Variants in KDM4C observed in about 807,000 individuals in gnomAD.
KDM4C encodes the protein lysine demethylase 4C, also known as lysine-specific demethylase 4C.
Under a neutral mutation model 129.3 loss-of-function variants are expected in KDM4C, and 81 were observed. That is an observed-to-expected ratio of 0.63 (90% CI 0.52 to 0.75). The LOEUF is 0.75. Ranked by LOEUF, KDM4C falls within the 30% of genes least tolerant of loss-of-function variation. The pLI, the probability that KDM4C is intolerant of heterozygous loss-of-function variation, is 0.00. For missense variants in KDM4C, 1,457 were observed against 1,304.0 expected, an observed-to-expected ratio of 1.12 and a Z score of -1.81; for synonymous variants, 573 against 456.1, an observed-to-expected ratio of 1.26 and a Z score of -3.26.
At position 6,986,496 on chromosome 9, in the gene KDM4C, T is replaced by A. The variant is rs1817734614; in HGVS notation, c.1507T>A (p.Ser503Thr). Residue 503 changes from serine to threonine, a missense_variant, in exon 11 of 22, where the codon TCC (serine) becomes ACC (threonine). Coordinates refer to ENST00000381309, the MANE Select transcript of KDM4C (RefSeq NM_015061.6). ...TGAGAAGCCCGAGAAATCAGACCCA[T>A]CCGAGCTTTCATGGCCAAAGTCACC... The part of the protein sequence containing the change: ...GYEKPEKSDP[S>T]ELSWPKSPES... 1 of 1,614,052 alleles carries A rather than the reference T, an allele frequency of 6.2e-7. No individual in the cohort carries two copies. Among genetic ancestry groups the A allele is most frequent in the Admixed American group, 1.7e-5 (1 of 59,996 alleles).
chr9:6,900,225 T>G (rs937779836), intron 8 of KDM4C, among the ~76,000 whole-genome samples: 3 of 152,144 alleles, frequency 2.0e-5, no homozygotes, highest in Non-Finnish European at 4.4e-5. Flanking sequence ...GGAGGGAGTT[T>G]GGGATGAAGA....
intron 15 of KDM4C, among the ~76,000 whole-genome samples, chr9:7,039,055 T>G (rs1828124092): frequency 6.6e-6 from 1 of 152,012 alleles, no homozygotes; most frequent in Admixed American, 6.6e-5. Flanking sequence ...ATATGTATCT[T>G]TTGTCTTTTA....
chr9:6,937,528 C>G (rs1825037971), intron 8 of KDM4C, among the ~76,000 whole-genome samples: 1 of 151,958 alleles, frequency 6.6e-6, no homozygotes, highest in African/African-American at 2.4e-5. Context: ...TTATTGTAAT[C>G]TTACATCTTA....
intron 5 of KDM4C, among the ~76,000 whole-genome samples, chr9:6,865,785 C>G (rs964856037): frequency 4.6e-5 from 7 of 151,512 alleles, no homozygotes; most frequent in Non-Finnish European, 1.0e-4. Context: ...GAGTCTCGCT[C>G]TGTCGCCCAG....
At chr9:7,080,509 A>G (rs896508813) in intron 17 of KDM4C, among the ~76,000 whole-genome samples, 2 of 152,208 alleles carry the variant, frequency 1.3e-5, no homozygotes, top group East Asian at 3.9e-4. Flanking sequence ...GAAATGCTTG[A>G]TATGGGAATG....
intron 19 of KDM4C, among the ~76,000 whole-genome samples, chr9:7,151,294 G>GA (rs35266511): frequency 4.9e-4 from 73 of 148,738 alleles, no homozygotes; most frequent in East Asian, 4.7e-3. Flanking sequence ...GTGACTGGTG[G>GA]AAAAAAAAAA....
rs1272343026 is a variant in KDM4C, at chr9:7,122,696, G to GT, written c.2611-5363dup. 3.3e-5 allele frequency among the ~76,000 whole-genome samples: 5 copies of GT among 152,164 alleles called. No individual in the cohort carries two copies. The East Asian group carries it at 7.7e-4, about 24-fold the overall frequency. On this transcript the variant is annotated intron_variant, in intron 18 of 21. Coordinates refer to ENST00000381309, the MANE Select transcript of KDM4C (RefSeq NM_015061.6). ...TATGCTTTTATGGAATGTCTGTAAC[G>GT]TTTTTTTACTTAACATTTTGGCCAT...
At chr9:7,017,702 C>T (rs908885607) in intron 15 of KDM4C, among the ~76,000 whole-genome samples, 1 of 152,064 alleles carries the variant, frequency 6.6e-6, no homozygotes, top group Non-Finnish European at 1.5e-5. Flanking sequence ...GTGCTCAGCT[C>T]GATGATTTCA....
intron 8 of KDM4C, among the ~76,000 whole-genome samples, chr9:6,939,979 T>TACC (rs1825587511): frequency 2.7e-4 from 22 of 80,326 alleles, no homozygotes; most frequent in South Asian, 1.0e-3. Context: ...CCTACCTACC[T>TACC]TCCTTCCTTC....
intron 1 of KDM4C, among the ~76,000 whole-genome samples, chr9:6,741,021 C>T (rs575193709): frequency 8.6e-5 from 13 of 151,674 alleles, no homozygotes; most frequent in Non-Finnish European, 1.9e-4. Flanking sequence ...GATAGGGTTT[C>T]ACTATGTTGG....
intron 19 of KDM4C, among the ~76,000 whole-genome samples, chr9:7,151,442 A>T (rs1842717657): frequency 1.3e-5 from 2 of 152,232 alleles, no homozygotes; most frequent in Middle Eastern, 6.8e-3. Flanking sequence ...CTGTAATCCC[A>T]GCACTTCGGG....
At chr9:6,806,884 C>A (rs111285283) in intron 3 of KDM4C, among the ~76,000 whole-genome samples, 3 of 66,336 alleles carry the variant, frequency 4.5e-5, no homozygotes, top group Admixed American at 3.9e-4. Flanking sequence ...CTCCGTCTCC[C>A]TCTCCCTCTC....
intron 4 of KDM4C, among the ~76,000 whole-genome samples, chr9:6,839,533 C>G (rs905020694): frequency 6.6e-6 from 1 of 151,876 alleles, no homozygotes; most frequent in African/African-American, 2.4e-5. Flanking sequence ...AGCCACCACG[C>G]CTGGCCAAAT....
At chr9:6,819,639 C>G (rs1003805287) in intron 4 of KDM4C, among the ~76,000 whole-genome samples, 44 of 152,044 alleles carry the variant, frequency 2.9e-4, no homozygotes, top group African/African-American at 1.0e-3. Context: ...ACTCAAGACA[C>G]CTAAATTCAA....
chr9:7,127,886 T>G, intron 18 of KDM4C, 180 bp from the exon 19 acceptor site: 1 of 539,250 alleles, frequency 1.9e-6, no homozygotes, highest in East Asian at 3.2e-5. Context: ...GTTTATACTA[T>G]TTGTCTTCTT....
intron 17 of KDM4C, among the ~76,000 whole-genome samples, chr9:7,079,316 G>T (rs1201098571): frequency 3.9e-5 from 6 of 152,142 alleles, no homozygotes; most frequent in African/African-American, 1.4e-4. Context: ...CTACAAGAGT[G>T]ACTTTGTTTT....
At chr9:6,862,636 C>T (rs951138306) in intron 5 of KDM4C, among the ~76,000 whole-genome samples, 3 of 152,084 alleles carry the variant, frequency 2.0e-5, no homozygotes, top group Non-Finnish European at 2.9e-5. Context: ...AACCCCATCT[C>T]TACTAAAAAT....
chr9:6,912,012 C>G (rs1433639752), intron 8 of KDM4C, among the ~76,000 whole-genome samples: 1 of 152,212 alleles, frequency 6.6e-6, no homozygotes, highest in Non-Finnish European at 1.5e-5. Context: ...AGTGCCAAAA[C>G]TAGATGGTAG....
chr9:6,914,029 CTGT>C (rs1819832628), intron 8 of KDM4C, among the ~76,000 whole-genome samples: 1 of 152,288 alleles, frequency 6.6e-6, no homozygotes, highest in East Asian at 1.9e-4. Flanking sequence ...AAGCCTGAGA[CTGT>C]TATTTGTTTA....
Sources: allele counts gnomAD v4.1 joint callset (sites outside exome capture counted in the v4.1 genomes callset), GRCh38; gene constraint gnomAD v4.1.1; transcripts MANE v1.5; gene names NCBI Gene and HGNC (gene_info 2026-07-23, HGNC 2026-07-21).